The following SH3TC2 variants were observed in gnomAD, a reference collection of about 807,000 sequenced individuals.
The protein encoded by SH3TC2 is SH3 domain and tetratricopeptide repeat-containing protein 2.
A neutral mutation model predicts 124.5 loss-of-function variants in SH3TC2; 87 were observed. The observed-to-expected ratio is 0.70, with a 90% CI of 0.59 to 0.84. The LOEUF is 0.84. SH3TC2 is among the 40% of genes least tolerant of loss of function. The pLI is 0.00. For synonymous variants in SH3TC2, 634 were observed against 628.5 expected (o/e 1.01, Z -0.13); for missense variants, 1,536 against 1,566.4 (o/e 0.98, Z 0.33).
intron 1 of SH3TC2, among the ~76,000 whole-genome samples, chr5:149,061,796 A>G (rs1178742370): frequency 1.3e-5 from 2 of 152,126 alleles, no homozygotes; most frequent in East Asian, 3.9e-4. Context: ...ATGGGGCACA[A>G]TGACAATAGG....
chr5:149,004,722 GGCC>G lies in SH3TC2; in HGVS notation c.3853_3855del (p.Gly1285del). ...CAGGACAGCTTTCCTCAGAGGGCCA[GGCC>G]ACCACCACTCAGCCACCGCGCCCTC... On this transcript the variant is annotated inframe_deletion, in exon 17 of 17. Coordinates refer to ENST00000515425, the MANE Select transcript of SH3TC2 (RefSeq NM_024577.4). 6.2e-7 allele frequency: 1 copy of G among 1,613,204 alleles called. No homozygotes were observed. The highest frequency in any genetic ancestry group is 8.5e-7 in the Non-Finnish European group (1 of 1,179,954).
intron 12 of SH3TC2, among the ~76,000 whole-genome samples, chr5:149,013,092 T>C (rs1753811825): frequency 6.6e-6 from 1 of 152,210 alleles, no homozygotes; most frequent in African/African-American, 2.4e-5. Context: ...TTATTACTGA[T>C]GCATGGTCCA....
intron 1 of SH3TC2, among the ~76,000 whole-genome samples, chr5:149,055,125 T>G (rs952359525): frequency 5.3e-5 from 8 of 152,192 alleles, no homozygotes; most frequent in African/African-American, 1.9e-4. Flanking sequence ...AGTGATTTCC[T>G]AAACAGGATG....
intron 2 of SH3TC2, among the ~76,000 whole-genome samples, chr5:149,049,786 G>GA (rs764444011): frequency 5.3e-3 from 733 of 138,136 alleles, no homozygotes; most frequent in African/African-American, 0.015. Context: ...CTGTCTCAAG[G>GA]AAAAAAAAAA....
intron 7 of SH3TC2, 151 bp downstream of exon 7, chr5:149,040,453 T>C (rs1179364550): frequency 2.7e-6 from 2 of 736,696 alleles, no homozygotes; most frequent in Non-Finnish European, 4.8e-6. Context: ...GGGAAAACCA[T>C]GTGCACAGAC....
chr5:149,061,759 G>A (rs542617162), intron 1 of SH3TC2, among the ~76,000 whole-genome samples: 41 of 152,234 alleles, frequency 2.7e-4, no homozygotes, highest in Middle Eastern at 3.4e-3. Context: ...GGTCCTGCAC[G>A]TCTCCCTCCA....
intron 2 of SH3TC2, among the ~76,000 whole-genome samples, chr5:149,048,940 A>G (rs183432949): frequency 2.0e-4 from 30 of 152,294 alleles, no homozygotes; most frequent in Middle Eastern, 6.8e-3. Context: ...AACACAATAA[A>G]CTGAGAAGGC....
Position 148,995,804 on chromosome 5 carries a change from T to G in SH3TC2, c.*8907A>C, listed in dbSNP as rs1753500677. On this transcript the variant is annotated 3_prime_UTR_variant, in exon 17 of 17. Coordinates refer to ENST00000515425, the MANE Select transcript of SH3TC2 (RefSeq NM_024577.4). ...ATTCCTGTTTTCATGGAACTTCTAATCTAGGTGGTGCACATGGATTATTAA... is the reference window on the plus strand; with the variant it reads ...ATTCCTGTTTTCATGGAACTTCTAAGCTAGGTGGTGCACATGGATTATTAA... Among the ~76,000 whole-genome samples, 1 of 152,114 alleles carries G rather than the reference T, an allele frequency of 6.6e-6. No individual in the cohort carries two copies. The highest frequency in any genetic ancestry group is 2.4e-5 in the African/African-American group (1 of 41,436).
intron 9 of SH3TC2, among the ~76,000 whole-genome samples, chr5:149,030,666 T>C (rs1239609397): frequency 1.3e-5 from 2 of 152,258 alleles, no homozygotes; most frequent in African/African-American, 4.8e-5. Flanking sequence ...ACAAACACTC[T>C]TTATGCACGG....
At chr5:149,016,668 G>A (rs141352505) in intron 12 of SH3TC2, among the ~76,000 whole-genome samples, 3 of 152,326 alleles carry the variant, frequency 2.0e-5, no homozygotes, top group African/African-American at 7.2e-5. Context: ...GCTCATGCCT[G>A]TAATCCCAGC....
At chr5:149,040,580 A>T in intron 7 of SH3TC2, 24 bp downstream of exon 7, 1 of 1,599,950 alleles carries the variant, frequency 6.3e-7, no homozygotes, top group South Asian at 1.1e-5. Context: ...CCCTAACAAT[A>T]CTATGTTTTT....
chr5:148,998,088 C>T lies in SH3TC2; in HGVS notation c.*6623G>A, dbSNP rs78100143. On this transcript the variant is annotated 3_prime_UTR_variant, in exon 17 of 17. Transcript: ENST00000515425. ...TGAGTGAGAAATTCATTTGGTGAGT[C>T]ATAAATTTGATATTTTTTAACTAGA... 5.0e-4 allele frequency among the ~76,000 whole-genome samples: 76 copies of T among 152,164 alleles called. 2 individuals are homozygous for T. The East Asian group carries it at 0.015, about 29-fold the overall frequency.
rs937041320 is a variant in SH3TC2 at position 149,002,848 on chromosome 5, C to G, written c.*1863G>C. ...TATTAGAGATAGAAACCAAGAAGTTCATGTTCCACAACCTCACCAGGTAAT... is the reference window on the plus strand; with the variant it reads ...TATTAGAGATAGAAACCAAGAAGTTGATGTTCCACAACCTCACCAGGTAAT... On this transcript the variant is annotated 3_prime_UTR_variant, in exon 17 of 17. Coordinates refer to ENST00000515425, the MANE Select transcript of SH3TC2 (RefSeq NM_024577.4). The G allele has an allele frequency of 4.6e-5, 7 of 152,306 alleles. No homozygotes were observed. The highest frequency in any genetic ancestry group is 2.0e-4 in the Admixed American group (3 of 15,290). The allele number at this position is 152,306 out of a possible 1,614,324, so 9.4% of individuals were successfully genotyped here.
At position 149,040,623 on chromosome 5, in the gene SH3TC2, C is replaced by T. The variant is rs756511776; in HGVS notation, c.786G>A (p.Trp262Ter). 1 of 1,614,112 alleles carries T rather than the reference C, an allele frequency of 6.2e-7. No individual in the cohort carries two copies. Among genetic ancestry groups the T allele is most frequent in the Non-Finnish European group, 8.5e-7 (1 of 1,179,968 alleles). The change falls in exon 7 of 17, where the codon TGG becomes TGA. Residue 262 changes from tryptophan (W) to a stop codon, truncating the protein, a stop_gained. Transcript: ENST00000515425. LOFTEE classifies it high-confidence loss of function. Reference protein sequence around the residue: ...GSCGLSRKRDWTGSYQIGRGR... With the variant: ...GSCGLSRKRD ...CCATACCAATCTGATAGGAGCCTGT[C>T]CAATCCCTCTTCCTGGAAAGGCCAC...
chr5:149,044,805 A>T lies in SH3TC2; in HGVS notation c.280-167T>A, dbSNP rs949184460. ...ATTCATCAATAAGAGATTGGTTAAA[A>T]TGGAGTACAATTTATCCATAAAGTG... On this transcript the variant is annotated intron_variant, in intron 3 of 16. Transcript: ENST00000515425. The T allele has an allele frequency of 6.6e-6, 4 of 609,956 alleles. No individual in the cohort carries two copies. The Admixed American group carries it at 1.0e-4, about 16-fold the overall frequency. 37.8% of individuals were successfully genotyped at this position (609,956 alleles called of 1,614,324 possible).
intron 12 of SH3TC2, chr5:149,026,341 TATC>T: frequency 1.7e-6 from 1 of 588,978 alleles, no homozygotes; most frequent in East Asian, 2.9e-5. Flanking sequence ...ATGCCATTAT[TATC>T]TTCCTTTGGC....
At chr5:149,045,444 T>C (rs1311957299) in intron 3 of SH3TC2, 3 of 152,274 alleles carry the variant, frequency 2.0e-5, no homozygotes, top group Non-Finnish European at 4.4e-5. Flanking sequence ...ATAAACATCT[T>C]TATAGCTAAA....
chr5:149,010,554 T>C (rs1753767029), intron 13 of SH3TC2, among the ~76,000 whole-genome samples, 162 bp from the exon 14 acceptor site: 1 of 152,250 alleles, frequency 6.6e-6, no homozygotes, highest in Non-Finnish European at 1.5e-5. Context: ...AAGAGGACTT[T>C]AGACATTCTC....
At position 148,986,358 on chromosome 5, in the gene SH3TC2, C is replaced by T. The variant is rs1463277769; in HGVS notation, c.*18353G>A. On this transcript the variant is annotated 3_prime_UTR_variant, in exon 17 of 17. Coordinates refer to ENST00000515425, the MANE Select transcript of SH3TC2 (RefSeq NM_024577.4). ...TACTAAATGTTAGAACTAAAAGAAC[C>T]TTAGAGATCTTCCATTAGGTCCCAG... Among the ~76,000 whole-genome samples the T allele has an allele frequency of 2.6e-5, 4 of 152,166 alleles. No individual in the cohort carries two copies. The South Asian group carries it at 8.3e-4, about 31-fold the overall frequency.
Sources: gnomAD v4.1 joint callset for allele counts (sites outside exome capture counted in the v4.1 genomes callset) on GRCh38, gnomAD v4.1.1 for gene constraint, MANE v1.5 for transcripts, NCBI Gene and HGNC (gene_info 2026-07-23, HGNC 2026-07-21) for gene names.